Variants in ACHE observed in about 807,000 individuals in gnomAD.
The protein encoded by ACHE is acetylcholinesterase (Yt blood group), also known as acetylcholinesterase.
In ACHE, 19 loss-of-function variants were observed where a neutral mutation model predicts 53.9. The observed-to-expected ratio is 0.35, with a 90% CI of 0.25 to 0.52. The LOEUF is 0.52. Ranked by LOEUF, ACHE falls within the 20% of genes least tolerant of loss-of-function variation. The pLI, the probability that ACHE is intolerant of heterozygous loss-of-function variation, is 0.95. For missense variants in ACHE, 605 were observed against 849.4 expected, an observed-to-expected ratio of 0.71 and a Z score of 3.58; for synonymous variants, 392 against 378.1, an observed-to-expected ratio of 1.04 and a Z score of -0.43.
intron 3 of ACHE, 143 bp from the exon 4 acceptor site, chr7:100,891,481 GGT>G: frequency 1.4e-6 from 1 of 733,784 alleles, no homozygotes; most frequent in Non-Finnish European, 2.0e-6. Flanking sequence ...CAATGTGCGC[GGT>G]CATTGGGGTC....
intron 1 of ACHE, among the ~76,000 whole-genome samples, 197 bp downstream of exon 1, chr7:100,895,605 G>T (rs1024955550): frequency 1.1e-4 from 16 of 152,210 alleles, no homozygotes; most frequent in Non-Finnish European, 1.8e-4. Flanking sequence ...CCGCGGGCTC[G>T]GGCTCCTGCG....
In ACHE at chr7:100,893,173, C is replaced by G. The variant is rs1284197647; in HGVS notation, c.1060G>C (p.Gly354Arg). ...EALINAGDFH[G>R]LQVLVGVVKD... Reference sequence around the variant, plus strand: ...AGCTAGCCACTAGTTACCTGCAGGCCGTGGAAGTCTCCCGCGTTGATGAGG... The same window carrying G: ...AGCTAGCCACTAGTTACCTGCAGGCGGTGGAAGTCTCCCGCGTTGATGAGG... The change falls in exon 2 of 5, where the codon GGC becomes CGC. Residue 354 changes from glycine to arginine, a missense_variant. Coordinates refer to ENST00000241069, the MANE Select transcript of ACHE (RefSeq NM_000665.5). The G allele has an allele frequency of 6.2e-7, 1 of 1,613,674 alleles. No homozygotes were observed. The highest frequency in any genetic ancestry group is 1.3e-5 in the African/African-American group (1 of 74,908).
At chr7:100,894,557 G>A (rs532993693) in intron 1 of ACHE, among the ~76,000 whole-genome samples, 1 of 152,266 alleles carries the variant, frequency 6.6e-6, no homozygotes, top group African/African-American at 2.4e-5. Flanking sequence ...ACTGGGCCGG[G>A]CCCAGCTCGT....
intron 4 of ACHE, chr7:100,890,611 A>C: frequency 7.6e-7 from 1 of 1,324,242 alleles, no homozygotes; most frequent in Non-Finnish European, 9.7e-7. Context: ...CAGGAGGGGG[A>C]GGTTGGGGGA....
chr7:100,891,783 CT>C (rs71902456), intron 3 of ACHE, among the ~76,000 whole-genome samples: 2,951 of 103,390 alleles, frequency 0.029, 45 homozygotes, highest in South Asian at 0.058. Flanking sequence ...CTTGGTCTCC[CT>C]TTTTTTTTTT....
At chr7:100,895,424 T>TG (rs5886144) in intron 1 of ACHE, among the ~76,000 whole-genome samples, 152,247 of 152,248 alleles carry the variant, frequency 1, 76,123 homozygotes, top group Middle Eastern at 1. Context: ...GCAGGGGCGC[T>TG]GGCTTGTGGC....
At chr7:100,896,636 C>T (rs954190203), upstream of ACHE, 5 of 280,688 alleles carry the variant, frequency 1.8e-5, no homozygotes, top group Non-Finnish European at 2.2e-5. Context: ...ACTTCTGGAA[C>T]CCCCGCGGGT....
chr7:100,895,034 G>C (rs945146881), intron 1 of ACHE, among the ~76,000 whole-genome samples: 16 of 152,186 alleles, frequency 1.1e-4, no homozygotes, highest in African/African-American at 3.6e-4. Flanking sequence ...TTGGGGAGGG[G>C]GCCTGGGGGC....
In ACHE at chr7:100,893,477, C is replaced by T. The variant is rs1428949085; in HGVS notation, c.756G>A (p.Leu252=). 1 of 1,607,654 alleles carries T rather than the reference C, an allele frequency of 6.2e-7. No individual in the cohort carries two copies. The highest frequency in any genetic ancestry group is 8.5e-7 in the Non-Finnish European group (1 of 1,179,698). The change falls in exon 2 of 5, where the codon CTG becomes CTA. Residue 252 remains leucine (L), a synonymous_variant. Coordinates refer to ENST00000241069, the MANE Select transcript of ACHE (RefSeq NM_000665.5). The stretch of plus-strand genomic sequence containing the variant: ...CGCTCTGCAGCACGGCCCTGTGGAA[C>T]AGGCCCCGGCTGGGCGGGGACAGCA... ...MHLLSPPSRG[L]FHRAVLQSGA... is the part of the protein sequence containing the mutation.
chr7:100,893,043 G>A, intron 2 of ACHE, 122 bp downstream of exon 2: 1 of 1,272,054 alleles, frequency 7.9e-7, no homozygotes, highest in East Asian at 2.5e-5. Context: ...AGCCCTCAGG[G>A]AGGACTTCTG....
intron 1 of ACHE, among the ~76,000 whole-genome samples, chr7:100,894,547 A>T (rs17882803): frequency 6.6e-6 from 1 of 152,062 alleles, no homozygotes; most frequent in Non-Finnish European, 1.5e-5. Flanking sequence ...TCTTCCCGGA[A>T]CTGGGCCGGG....
rs1182439640 is a variant in ACHE, at chr7:100,892,596, C to T, written c.1291G>A (p.Asp431Asn). 21 of 1,613,504 alleles carry T rather than the reference C, an allele frequency of 1.3e-5. No individual in the cohort carries two copies. The highest frequency in any genetic ancestry group is 1.2e-4 in the South Asian group (11 of 91,062). The change falls in exon 3 of 5, where the codon GAT becomes AAT. Residue 431 changes from aspartate (D) to asparagine (N), a missense_variant. Physicochemically the swap from Asp to Asn is conservative, Grantham distance 23. Around this residue, in one of 4 missense-constraint regions of ACHE, gnomAD observed 397 missense variants for 632.5 expected, o/e 0.63. Transcript: ENST00000241069. This position sits in a 1 kb window ranked among gnomAD's most constrained non-coding sequence, Gnocchi z 5.2. Reference protein sequence around the residue: ...DPARLREALSDVVGDHNVVCP... With the variant: ...DPARLREALSNVVGDHNVVCP... ...ACGACATTGTGGTCGCCCACCACAT[C>T]GCTCAGGGCCTCCCTCAGGCGTGCC... is the stretch of plus-strand genomic sequence containing the variant.
At position 100,894,115 on chromosome 7, in the gene ACHE, G is replaced by C; in HGVS notation, c.118C>G (p.Leu40Val). 2 of 1,505,652 alleles carry C rather than the reference G, an allele frequency of 1.3e-6. No individual in the cohort carries two copies. Among genetic ancestry groups the C allele is most frequent in the Non-Finnish European group, 1.8e-6 (2 of 1,130,044 alleles). The allele number at this position is 1,505,652 out of a possible 1,614,324, so 93.3% of individuals were successfully genotyped here. ...AGCCGGCCCCCACGCACCGTCACCA[G>C]CAGCTCTGCATCCTCCCGGCCCTCA... ...GAEGREDAEL[L>V]VTVRGGRLRG... Residue 40 changes from leucine to valine, a missense_variant, in exon 2 of 5, where the codon CTG (leucine) becomes GTG (valine). Coordinates refer to ENST00000241069, the MANE Select transcript of ACHE (RefSeq NM_000665.5).
In ACHE at chr7:100,892,614, G is replaced by A. The variant is rs1790768373; in HGVS notation, c.1273C>T (p.Leu425=). ...ACCACATCGCTCAGGGCCTCCCTCA[G>A]GCGTGCCGGGTCCTCGGGATGCAGC... ...DWLHPEDPAR[L]REALSDVVGD... Residue 425 remains leucine (L), a synonymous_variant, in exon 3 of 5, where the codon CTG becomes TTG. Transcript: ENST00000241069. The surrounding 1 kb of genome is among the most constrained non-coding windows in gnomAD (Gnocchi z 5.2). 6.2e-7 allele frequency: 1 copy of A among 1,613,330 alleles called. No individual in the cohort carries two copies. The highest frequency in any genetic ancestry group is 1.1e-5 in the South Asian group (1 of 91,052).
At position 100,892,656 on chromosome 7, in the gene ACHE, G is replaced by C; in HGVS notation, c.1231C>G (p.Leu411Val). The C allele has an allele frequency of 6.2e-7, 1 of 1,613,616 alleles. No homozygotes were observed. Among genetic ancestry groups the C allele is most frequent in the Non-Finnish European group, 8.5e-7 (1 of 1,179,964 alleles). The change falls in exon 3 of 5, where the codon CTG (leucine) becomes GTG (valine). Residue 411 changes from leucine (L) to valine (V), a missense_variant. Coordinates refer to ENST00000241069, the MANE Select transcript of ACHE (RefSeq NM_000665.5). The surrounding 1 kb of genome is among the most constrained non-coding windows in gnomAD (Gnocchi z 5.2). Reference protein sequence around the residue: ...VSDLAAEAVVLHYTDWLHPED... With the variant: ...VSDLAAEAVVVHYTDWLHPED... ...GGATGCAGCCAGTCTGTGTAATGCA[G>C]GACCACAGCCTCGGCTGCCAGGTCA... is the stretch of plus-strand genomic sequence containing the variant.
At chr7:100,895,075 G>C (rs926873303) in intron 1 of ACHE, among the ~76,000 whole-genome samples, 1 of 152,062 alleles carries the variant, frequency 6.6e-6, no homozygotes, top group Non-Finnish European at 1.5e-5. Context: ...CCTGAAGGGC[G>C]AGCCGGGACG....
Position 100,892,680 on chromosome 7 carries a change from C to T in ACHE, c.1207G>A (p.Asp403Asn), listed in dbSNP as rs1263242383. Residue 403 changes from aspartate to asparagine, a missense_variant, in exon 3 of 5, where the codon GAC becomes AAC. This residue lies in a region of ACHE where 397 missense variants were observed against 632.5 expected (regional missense o/e 0.63). Transcript: ENST00000241069. This position sits in a 1 kb window ranked among gnomAD's most constrained non-coding sequence, Gnocchi z 5.2. ...AGGACCACAGCCTCGGCTGCCAGGT[C>T]ACTTACCTGGGGAACCCCGACCCGC... ...GVRVGVPQVS[D>N]LAAEAVVLHY... The T allele has an allele frequency of 6.2e-7, 1 of 1,613,622 alleles. No homozygotes were observed. Among genetic ancestry groups the T allele is most frequent in the South Asian group, 1.1e-5 (1 of 91,056 alleles).
chr7:100,890,171 T>C lies in ACHE; in HGVS notation c.*43A>G, dbSNP rs745350659. 2.0e-5 allele frequency: 33 copies of C among 1,610,306 alleles called. No individual in the cohort carries two copies. Among genetic ancestry groups the C allele is most frequent in the Middle Eastern group, 1.7e-4 (1 of 6,006 alleles). ...CCCTGAAATAAATAGTATATACAGC[T>C]AGGGGGCCGGGCGGAGCGGAGGACA... On this transcript the variant is annotated 3_prime_UTR_variant, in exon 5 of 5. Coordinates refer to ENST00000241069, the MANE Select transcript of ACHE (RefSeq NM_000665.5).
chr7:100,895,328 G>C (rs1411311639), intron 1 of ACHE, among the ~76,000 whole-genome samples: 1 of 152,126 alleles, frequency 6.6e-6, no homozygotes, highest in Non-Finnish European at 1.5e-5. Context: ...GGCTTCCGCC[G>C]AGCCTCCCCT....
Sources: allele counts gnomAD v4.1 joint callset (sites outside exome capture counted in the v4.1 genomes callset), GRCh38; gene constraint gnomAD v4.1.1; regional missense constraint gnomAD v4.1.1; non-coding constraint Gnocchi (gnomAD v3.1); transcripts MANE v1.5; gene names NCBI Gene and HGNC (gene_info 2026-07-23, HGNC 2026-07-21).